Variants in NR2C1 observed in about 807,000 individuals in gnomAD.
The protein encoded by NR2C1 is nuclear receptor subfamily 2 group C member 1.
A neutral mutation model predicts 74.8 loss-of-function variants in NR2C1; 33 were observed. The ratio of observed to expected loss-of-function variants is 0.44; its 90% CI spans 0.33 to 0.59. The LOEUF is 0.59. Among genes scored for constraint, NR2C1 ranks in the 20% least tolerant of loss-of-function variants. NR2C1 has a pLI of 0.02. For synonymous variants in NR2C1, 225 were observed against 240.6 expected (o/e 0.94, Z 0.60); for missense variants, 568 against 715.6 (o/e 0.79, Z 2.35).
intron 1 of NR2C1, among the ~76,000 whole-genome samples, chr12:95,070,552 T>C (rs1876447711): frequency 6.6e-6 from 1 of 152,198 alleles, no homozygotes. Flanking sequence ...GGCTCAAAAA[T>C]TTATTCAATT....
chr12:95,054,996 G>A (rs1873630320), intron 7 of NR2C1, among the ~76,000 whole-genome samples: 1 of 152,116 alleles, frequency 6.6e-6, no homozygotes, highest in South Asian at 2.1e-4. Context: ...GTTTAACAAA[G>A]CACATCTTGC....
chr12:95,072,295 A>AC (rs147926581), intron 1 of NR2C1, among the ~76,000 whole-genome samples: 18,326 of 142,632 alleles, frequency 0.13, 1,451 homozygotes, highest in Non-Finnish European at 0.18. Context: ...CAAAAACAAA[A>AC]ACAAAAAAAC....
chr12:95,022,540 G>C (rs1868883032), intron 13 of NR2C1, 137 bp from the exon 14 acceptor site: 2 of 737,566 alleles, frequency 2.7e-6, no homozygotes, highest in African/African-American at 3.6e-5. Flanking sequence ...CAAAACTTTA[G>C]TATTCTCAAG....
intron 10 of NR2C1, 41 bp from the exon 11 acceptor site, chr12:95,031,529 A>G (rs1052350242): frequency 6.7e-7 from 1 of 1,498,034 alleles, no homozygotes; most frequent in Non-Finnish European, 8.9e-7. Context: ...AGATATTATT[A>G]AAATAAGTTT....
intron 10 of NR2C1, among the ~76,000 whole-genome samples, chr12:95,036,476 A>T (rs142911709): frequency 1.2e-3 from 174 of 149,148 alleles, no homozygotes; most frequent in African/African-American, 3.9e-3. Flanking sequence ...AGGTACAGGT[A>T]TTTTTCTCTA....
intron 1 of NR2C1, among the ~76,000 whole-genome samples, chr12:95,072,471 A>AAG (rs1555214172): frequency 4.6e-5 from 7 of 150,718 alleles, no homozygotes; most frequent in African/African-American, 1.7e-4. Flanking sequence ...AAAAAAAAAA[A>AAG]AAAGAAAAAA....
chr12:95,024,488 C>T (rs963653306), intron 13 of NR2C1, among the ~76,000 whole-genome samples: 7 of 152,028 alleles, frequency 4.6e-5, no homozygotes, highest in Non-Finnish European at 8.8e-5. Context: ...GAAAGTGGCT[C>T]TTATAAAAAA....
At chr12:95,048,069 G>C (rs1012444146) in intron 9 of NR2C1, among the ~76,000 whole-genome samples, 17 of 152,118 alleles carry the variant, frequency 1.1e-4, no homozygotes, top group African/African-American at 4.1e-4. Context: ...TAAATAATTT[G>C]TATCTTTTTA....
intron 8 of NR2C1, 25 bp from the exon 9 acceptor site, chr12:95,049,258 G>C (rs249145): frequency 0.16 from 249,465 of 1,593,146 alleles, 21,690 homozygotes; most frequent in Non-Finnish European, 0.18. Flanking sequence ...CAGAAGCTAT[G>C]AGCTTGACCA....
intron 1 of NR2C1, among the ~76,000 whole-genome samples, chr12:95,071,422 G>A (rs1876593779): frequency 6.6e-6 from 1 of 151,982 alleles, no homozygotes; most frequent in Non-Finnish European, 1.5e-5. Flanking sequence ...ACTGAAAAAC[G>A]GCAACGAATT....
At chr12:95,048,238 A>G (rs1436088660) in intron 9 of NR2C1, among the ~76,000 whole-genome samples, 2 of 152,148 alleles carry the variant, frequency 1.3e-5, no homozygotes, top group Non-Finnish European at 2.9e-5. Flanking sequence ...TTTGTATCTT[A>G]TAATAATGCT....
intron 9 of NR2C1, among the ~76,000 whole-genome samples, chr12:95,045,319 A>G (rs1393286367): frequency 6.6e-6 from 1 of 152,204 alleles, no homozygotes; most frequent in East Asian, 1.9e-4. Context: ...GTCAAGTTAT[A>G]GAGACCGGAC....
intron 9 of NR2C1, among the ~76,000 whole-genome samples, chr12:95,043,320 G>GA (rs892478662): frequency 3.9e-5 from 6 of 151,992 alleles, no homozygotes; most frequent in Non-Finnish European, 7.4e-5. Flanking sequence ...AAGGAAGTCT[G>GA]AAAAACTAAG....
chr12:95,048,034 T>G (rs1056537481), intron 9 of NR2C1, among the ~76,000 whole-genome samples: 2 of 152,236 alleles, frequency 1.3e-5, no homozygotes, highest in Non-Finnish European at 2.9e-5. Context: ...AAAGTGTAAG[T>G]TAAAAACTAA....
intron 10 of NR2C1, among the ~76,000 whole-genome samples, chr12:95,034,096 T>G (rs1198389930): frequency 6.6e-6 from 1 of 152,224 alleles, no homozygotes; most frequent in East Asian, 1.9e-4. Context: ...AATCATTCGT[T>G]AAGAATCACA....
intron 2 of NR2C1, among the ~76,000 whole-genome samples, chr12:95,066,223 T>G (rs1875673990): frequency 6.6e-6 from 1 of 152,208 alleles, no homozygotes; most frequent in Non-Finnish European, 1.5e-5. Context: ...ATAACAAGGC[T>G]GGGCACAGCA....
rs1309834634 is a variant in NR2C1 at position 95,040,469 on chromosome 12, C to T, written c.1253+7G>A. The T allele has an allele frequency of 6.3e-7, 1 of 1,597,546 alleles. No homozygotes were observed. The highest frequency in any genetic ancestry group is 8.5e-7 in the Non-Finnish European group (1 of 1,173,330). ...CACATTTATATTCAAGATTTCAAAACACTCACCCTAGAGCCTGGAAAGAAG... is the reference window on the plus strand; with the variant it reads ...CACATTTATATTCAAGATTTCAAAATACTCACCCTAGAGCCTGGAAAGAAG... On this transcript the variant is annotated splice_region_variant and intron_variant, in intron 10 of 13. Coordinates refer to ENST00000333003, the MANE Select transcript of NR2C1 (RefSeq NM_003297.4).
intron 10 of NR2C1, among the ~76,000 whole-genome samples, chr12:95,036,898 G>A (rs1870916534): frequency 1.3e-5 from 2 of 152,094 alleles, no homozygotes; most frequent in Admixed American, 6.6e-5. Flanking sequence ...TATAACTTTT[G>A]AGCCCCTCAT....
At position 95,049,128 on chromosome 12, in the gene NR2C1, T is replaced by G; in HGVS notation, c.1071A>C (p.Ser357=). 1 of 1,614,062 alleles carries G rather than the reference T, an allele frequency of 6.2e-7. No homozygotes were observed. The highest frequency in any genetic ancestry group is 8.5e-7 in the Non-Finnish European group (1 of 1,179,920). ...CCTCTTTTTCGGTGTAATTTATGCT[T>G]GAATCTCCAGTGATTAGGTGTACAC... is the stretch of plus-strand genomic sequence containing the variant. ...EGSVHLITGD[S]SINYTEKEGP... Residue 357 remains serine, a synonymous_variant, in exon 9 of 14, where the codon TCA becomes TCC. Transcript: ENST00000333003.
Sources: gnomAD v4.1 joint callset for allele counts (sites outside exome capture counted in the v4.1 genomes callset) on GRCh38, gnomAD v4.1.1 for gene constraint, MANE v1.5 for transcripts, NCBI Gene and HGNC (gene_info 2026-07-23, HGNC 2026-07-21) for gene names.